FOXJ3: variants seen among roughly 807,000 people sequenced by gnomAD.
The protein encoded by FOXJ3 is forkhead box J3.
Under a neutral mutation model 76.1 loss-of-function variants are expected in FOXJ3, and 22 were observed. That is an observed-to-expected ratio of 0.29 (90% CI 0.21 to 0.41). FOXJ3 has a LOEUF of 0.41. Ranked by LOEUF, FOXJ3 falls within the 10% of genes least tolerant of loss-of-function variation. The pLI is 1.00. For missense variants in FOXJ3, 613 were observed against 762.1 expected, an observed-to-expected ratio of 0.80 and a Z score of 2.30; for synonymous variants, 269 against 261.2, an observed-to-expected ratio of 1.03 and a Z score of -0.29.
Position 42,181,959 on chromosome 1 carries a change from G to C in FOXJ3, c.1711C>G (p.His571Asp). 1 of 1,613,608 alleles carries C rather than the reference G, an allele frequency of 6.2e-7. No individual in the cohort carries two copies. The highest frequency in any genetic ancestry group is 1.1e-5 in the South Asian group (1 of 91,050). Residue 571 changes from histidine to aspartate, a missense_variant, in exon 12 of 13, where the codon CAT becomes GAT. This residue lies in a region of FOXJ3 where 526 missense variants were observed against 601.4 expected (regional missense o/e 0.87). Transcript: ENST00000361346. ...PSVMPPPGYP[H>D]IPQALSTPGT... ...GGAGTGCTGAGTGCCTGTGGGATAT[G>C]AGGATAACCAGGGGGTGGCATCACT...
chr1:42,333,012 T>TG (rs1557733253), intron 1 of FOXJ3, among the ~76,000 whole-genome samples: 1 of 152,144 alleles, frequency 6.6e-6, no homozygotes, highest in Admixed American at 6.5e-5. Context: ...CCACGTATCT[T>TG]ATTCGTCTCT....
At chr1:42,293,254 A>G (rs968041431) in intron 2 of FOXJ3, among the ~76,000 whole-genome samples, 6 of 147,476 alleles carry the variant, frequency 4.1e-5, no homozygotes, top group African/African-American at 1.5e-4. Flanking sequence ...GTCAGATGTT[A>G]CCAAAATTTA....
intron 5 of FOXJ3, among the ~76,000 whole-genome samples, chr1:42,223,837 A>G (rs938395447): frequency 3.9e-5 from 6 of 152,368 alleles, no homozygotes; most frequent in Middle Eastern, 6.8e-3. Context: ...AGTCTTCAGC[A>G]TAACAAATAC....
At position 42,310,456 on chromosome 1, in the gene FOXJ3, T is replaced by C. The variant is rs573712574; in HGVS notation, c.44+594A>G. Among the ~76,000 whole-genome samples the C allele has an allele frequency of 4.0e-5, 6 of 151,400 alleles. No homozygotes were observed. The South Asian group carries it at 1.2e-3, about 32-fold the overall frequency. On this transcript the variant is annotated intron_variant, in intron 2 of 12. Coordinates refer to ENST00000361346, the MANE Select transcript of FOXJ3 (RefSeq NM_014947.5). ...ACCGCACCTGGGCTTTTTTCTTTTT[T>C]TTTTTTTTTAGGACAGAGTCTTGCT...
chr1:42,320,551 T>G (rs1655370987), intron 1 of FOXJ3, among the ~76,000 whole-genome samples: 1 of 152,192 alleles, frequency 6.6e-6, no homozygotes, highest in Non-Finnish European at 1.5e-5. Context: ...ACACCGTATG[T>G]TTAAATACTG....
At chr1:42,239,142 C>T (rs1557664854) in intron 4 of FOXJ3, among the ~76,000 whole-genome samples, 1 of 152,134 alleles carries the variant, frequency 6.6e-6, no homozygotes, top group African/African-American at 2.4e-5. Flanking sequence ...TTGCTAAACT[C>T]ACATATTATT....
chr1:42,292,838 C>T (rs11807969), intron 2 of FOXJ3, among the ~76,000 whole-genome samples: 1,897 of 152,250 alleles, frequency 0.012, 35 homozygotes, highest in African/African-American at 0.043. Context: ...TGGTGGCTCA[C>T]GCCTGTAATC....
At chr1:42,311,602 C>T (rs1255877302) in intron 1 of FOXJ3, among the ~76,000 whole-genome samples, 1 of 149,030 alleles carries the variant, frequency 6.7e-6, no homozygotes, top group Non-Finnish European at 1.5e-5. Flanking sequence ...TATTGGACTT[C>T]ACAAAGATTT....
At chr1:42,303,686 A>G (rs1434601254) in intron 2 of FOXJ3, among the ~76,000 whole-genome samples, 2 of 152,248 alleles carry the variant, frequency 1.3e-5, no homozygotes, top group Non-Finnish European at 2.9e-5. Flanking sequence ...ATAAAAAGGG[A>G]TAAATACAGA....
chr1:42,275,938 C>T (rs1220935078), intron 3 of FOXJ3, among the ~76,000 whole-genome samples: 1 of 152,030 alleles, frequency 6.6e-6, no homozygotes, highest in East Asian at 1.9e-4. Flanking sequence ...TCTATGAGTG[C>T]ATACTATTAG....
chr1:42,182,467 A>G (rs988507868), intron 11 of FOXJ3, among the ~76,000 whole-genome samples: 1 of 152,214 alleles, frequency 6.6e-6, no homozygotes, highest in African/African-American at 2.4e-5. Context: ...TTAGTTTGAC[A>G]GTGCTAGGAC....
chr1:42,290,185 T>G (rs1653328919), intron 2 of FOXJ3, among the ~76,000 whole-genome samples: 1 of 151,966 alleles, frequency 6.6e-6, no homozygotes, highest in African/African-American at 2.4e-5. Flanking sequence ...AGAGAAAAAT[T>G]AGAGGACTAC....
At chr1:42,327,327 C>A (rs1047566638) in intron 1 of FOXJ3, among the ~76,000 whole-genome samples, 2 of 152,194 alleles carry the variant, frequency 1.3e-5, no homozygotes, top group African/African-American at 4.8e-5. Context: ...GTATCATTCA[C>A]CTCCTGCCGT....
At chr1:42,290,313 C>G (rs942202886) in intron 2 of FOXJ3, among the ~76,000 whole-genome samples, 1 of 152,032 alleles carries the variant, frequency 6.6e-6, no homozygotes, top group Non-Finnish European at 1.5e-5. Context: ...GTCAGCTGAC[C>G]GTTACCTACT....
intron 6 of FOXJ3, among the ~76,000 whole-genome samples, chr1:42,203,613 T>C (rs1016011872): frequency 6.6e-5 from 10 of 152,174 alleles, no homozygotes; most frequent in African/African-American, 2.4e-4. Flanking sequence ...GTGAGAGTGT[T>C]GAATTTTGGC....
chr1:42,218,689 C>A (rs1349845195), intron 5 of FOXJ3, among the ~76,000 whole-genome samples: 2 of 152,190 alleles, frequency 1.3e-5, no homozygotes, highest in African/African-American at 4.8e-5. Context: ...TAAGTCACAT[C>A]ATGTCACTAC....
intron 3 of FOXJ3, among the ~76,000 whole-genome samples, chr1:42,277,128 A>T (rs1652323161): frequency 7.2e-6 from 1 of 138,294 alleles, no homozygotes; most frequent in Non-Finnish European, 1.5e-5. Flanking sequence ...AATAATCTAA[A>T]ATTCTTTCAA....
intron 1 of FOXJ3, among the ~76,000 whole-genome samples, chr1:42,316,655 A>T (rs780348389): frequency 1.3e-5 from 2 of 152,186 alleles, no homozygotes; most frequent in Admixed American, 6.5e-5. Flanking sequence ...TTCCTCCTTC[A>T]TAAGAATGGA....
intron 5 of FOXJ3, among the ~76,000 whole-genome samples, chr1:42,227,669 A>G (rs1322170128): frequency 6.6e-6 from 1 of 152,230 alleles, no homozygotes; most frequent in Non-Finnish European, 1.5e-5. Flanking sequence ...CGCCCTAATT[A>G]TGACAAAACC....
Sources: gnomAD v4.1 joint callset for allele counts (sites outside exome capture counted in the v4.1 genomes callset) on GRCh38, gnomAD v4.1.1 for gene constraint, gnomAD v4.1.1 regional missense constraint, MANE v1.5 for transcripts, NCBI Gene and HGNC (gene_info 2026-07-23, HGNC 2026-07-21) for gene names.